Variants in XPO6 observed in about 807,000 individuals in gnomAD.
XPO6 encodes exportin 6, also known as exportin-6.
Under a neutral mutation model 130.0 loss-of-function variants are expected in XPO6, and 3 were observed. The ratio of observed to expected loss-of-function variants is 0.02; its 90% CI spans 0.01 to 0.06. The LOEUF (loss-of-function observed/expected upper bound fraction) is 0.06. Ranked by LOEUF, XPO6 falls within the 10% of genes least tolerant of loss-of-function variation. The pLI is 1.00. For synonymous variants in XPO6, 524 were observed against 548.9 expected (o/e 0.95, Z 0.63); for missense variants, 970 against 1,393.0 (o/e 0.70, Z 4.83).
chr16:28,125,944 A>C, intron 12 of XPO6, 96 bp from the exon 13 acceptor site: 2 of 1,489,174 alleles, frequency 1.3e-6, no homozygotes, highest in South Asian at 2.5e-5. Context: ...CAGCAAAACC[A>C]GCAGCAAAAC....
intron 6 of XPO6, 74 bp downstream of exon 6, chr16:28,166,434 C>T: frequency 6.7e-7 from 1 of 1,496,284 alleles, no homozygotes; most frequent in South Asian, 1.2e-5. Context: ...CTGAGGACTA[C>T]AGTTGCAAAT....
chr16:28,185,100 G>A (rs925671512), intron 1 of XPO6, among the ~76,000 whole-genome samples: 1 of 152,196 alleles, frequency 6.6e-6, no homozygotes, highest in Non-Finnish European at 1.5e-5. Flanking sequence ...AATTAATATT[G>A]CTACATGCAA....
intron 1 of XPO6, among the ~76,000 whole-genome samples, chr16:28,206,666 T>C (rs2044035859): frequency 6.6e-6 from 1 of 152,228 alleles, no homozygotes; most frequent in Non-Finnish European, 1.5e-5. Flanking sequence ...ATCAGGTGAT[T>C]TGAACCATAT....
chr16:28,197,060 T>C (rs952117546), intron 1 of XPO6, among the ~76,000 whole-genome samples: 3 of 152,162 alleles, frequency 2.0e-5, no homozygotes, highest in Non-Finnish European at 2.9e-5. Context: ...AAGACCAGCC[T>C]AGCCAAAATG....
Position 28,156,097 on chromosome 16 carries a change from G to C in XPO6, c.1074C>G (p.Ser358Arg). ...TKDNNAHTVKSRLEELDESYI... is the reference protein window; with the variant it reads ...TKDNNAHTVKRRLEELDESYI... ...ACCTCTCATCGAGCTCTTCTAGCCTGCTCTTCACTGTGTGGGCATTGTTAT... is the reference window on the plus strand; with the variant it reads ...ACCTCTCATCGAGCTCTTCTAGCCTCCTCTTCACTGTGTGGGCATTGTTAT... Residue 358 changes from serine (S) to arginine (R), a missense_variant, in exon 7 of 24, where the codon AGC becomes AGG. Ser to Arg is a moderately radical substitution (Grantham distance 110). This residue lies in a region of XPO6 where 936 missense variants were observed against 1,306.8 expected (regional missense o/e 0.72). Transcript: ENST00000304658. 1.2e-6 allele frequency: 2 copies of C among 1,610,516 alleles called. No homozygotes were observed.
chr16:28,181,749 A>C (rs1417796800), intron 1 of XPO6, among the ~76,000 whole-genome samples: 3 of 152,210 alleles, frequency 2.0e-5, no homozygotes, highest in Non-Finnish European at 4.4e-5. Context: ...TCACGTGAGC[A>C]GCCAACAGAG....
chr16:28,199,432 G>A (rs2043920538), intron 1 of XPO6, among the ~76,000 whole-genome samples: 1 of 150,794 alleles, frequency 6.6e-6, no homozygotes, highest in Non-Finnish European at 1.5e-5. Flanking sequence ...CCACCACCAT[G>A]TCCAGCTAAT....
In XPO6 at chr16:28,211,386, C is replaced by A. The variant is rs777926090; in HGVS notation, c.-18G>T. 3 of 1,312,282 alleles carry A rather than the reference C, an allele frequency of 2.3e-6. No homozygotes were observed. Among genetic ancestry groups the A allele is most frequent in the South Asian group, 6.4e-5 (2 of 31,424 alleles). The allele number at this position is 1,312,282 out of a possible 1,614,324, so 81.3% of individuals were successfully genotyped here. On this transcript the variant is annotated 5_prime_UTR_variant, in exon 1 of 24. Transcript: ENST00000304658. ...CTTACCATGCTGGCCGGGGAGGGGG[C>A]GGCTCAGATGAGCTGGTTCTTGGGC...
chr16:28,104,781 G>A (rs1567590312), intron 20 of XPO6, 74 bp from the exon 21 acceptor site: 1 of 1,556,888 alleles, frequency 6.4e-7, no homozygotes, highest in African/African-American at 1.4e-5. Context: ...CAGCAAAGAT[G>A]CCTAGGAGAC....
Position 28,098,576 on chromosome 16 carries a change from A to G in XPO6, c.3340T>C (p.Cys1114Arg). 1.2e-6 allele frequency: 2 copies of G among 1,612,978 alleles called. No homozygotes were observed. The highest frequency in any genetic ancestry group is 1.1e-5 in the South Asian group (1 of 90,964). Reference sequence around the variant, plus strand: ...GTGCCAGGGGGCAGGCTGTCGTTGCAGAGTCTGTAGTAGCGCAGGTCGTTG... The same window carrying G: ...GTGCCAGGGGGCAGGCTGTCGTTGCGGAGTCTGTAGTAGCGCAGGTCGTTG... ...LVNDLRYYRLCNDSLPPGTVK... is the reference protein window; with the variant it reads ...LVNDLRYYRLRNDSLPPGTVK... The change falls in exon 24 of 24, where the codon TGC (cysteine) becomes CGC (arginine). Residue 1114 changes from cysteine (C) to arginine (R), a missense_variant. By Grantham distance (180) the Cys-to-Arg change is radical (BLOSUM62 -3). Around this residue, in one of 4 missense-constraint regions of XPO6, gnomAD observed 936 missense variants for 1,306.8 expected, o/e 0.72. Transcript: ENST00000304658.
chr16:28,188,405 A>T (rs555171256), intron 1 of XPO6, among the ~76,000 whole-genome samples: 1 of 152,304 alleles, frequency 6.6e-6, no homozygotes, highest in South Asian at 2.1e-4. Flanking sequence ...CTAGTATCCC[A>T]GAGTGCCATT....
At chr16:28,191,602 G>C (rs1025032667) in intron 1 of XPO6, among the ~76,000 whole-genome samples, 1 of 152,196 alleles carries the variant, frequency 6.6e-6, no homozygotes, top group African/African-American at 2.4e-5. Context: ...AGCTGAGAGA[G>C]AGCATCCTCC....
intron 15 of XPO6, 129 bp downstream of exon 15, chr16:28,117,187 CAG>C (rs1221864905): frequency 1.6e-6 from 2 of 1,222,740 alleles, no homozygotes; most frequent in East Asian, 2.4e-5. Flanking sequence ...TGAAATAAAA[CAG>C]ATGTATAACA....
intron 12 of XPO6, among the ~76,000 whole-genome samples, chr16:28,128,771 T>C (rs1170611205): frequency 6.6e-6 from 1 of 152,112 alleles, no homozygotes; most frequent in African/African-American, 2.4e-5. Flanking sequence ...TCTGGACAAC[T>C]TGGTCACAAA....
chr16:28,204,278 A>G (rs1362374542), intron 1 of XPO6, among the ~76,000 whole-genome samples: 3 of 152,124 alleles, frequency 2.0e-5, no homozygotes, highest in African/African-American at 7.2e-5. Context: ...AAATTGTACA[A>G]AAAGAGAAGT....
chr16:28,104,305 C>T (rs205359), intron 21 of XPO6, among the ~76,000 whole-genome samples: 87,363 of 152,078 alleles, frequency 0.57, 27,464 homozygotes, highest in South Asian at 0.72. Flanking sequence ...CAAGCATCTC[C>T]AAGTGTCATG....
chr16:28,174,163 G>A (rs1046895979), intron 4 of XPO6, among the ~76,000 whole-genome samples: 5 of 152,182 alleles, frequency 3.3e-5, no homozygotes, highest in Non-Finnish European at 7.4e-5. Flanking sequence ...CTCCCACCTC[G>A]TGTCCCCCCA....
intron 1 of XPO6, among the ~76,000 whole-genome samples, chr16:28,185,597 T>C (rs960482417): frequency 1.3e-5 from 2 of 152,196 alleles, no homozygotes; most frequent in African/African-American, 4.8e-5. Flanking sequence ...GTTGGTGTTA[T>C]CAGACTCTTT....
At chr16:28,180,017 C>G (rs942497777) in intron 2 of XPO6, among the ~76,000 whole-genome samples, 1 of 152,172 alleles carries the variant, frequency 6.6e-6, no homozygotes, top group South Asian at 2.1e-4. Context: ...GAATCAAAAG[C>G]ATTTCAATTA....
Sources: allele counts gnomAD v4.1 joint callset (sites outside exome capture counted in the v4.1 genomes callset), GRCh38; gene constraint gnomAD v4.1.1; regional missense constraint gnomAD v4.1.1; transcripts MANE v1.5; gene names NCBI Gene and HGNC (gene_info 2026-07-23, HGNC 2026-07-21).